The following ZNF804A variants were observed in gnomAD, a reference collection of about 807,000 sequenced individuals.
The protein encoded by ZNF804A is zinc finger protein 804A.
ZNF804A carries 2 observed loss-of-function variants against 16.5 expected under a neutral mutation model. That is an observed-to-expected ratio of 0.12 (90% confidence interval 0.05 to 0.38). The LOEUF is 0.38. Ranked by LOEUF, ZNF804A falls within the 10% of genes least tolerant of loss-of-function variation. The pLI, the probability that ZNF804A is intolerant of heterozygous loss-of-function variation, is 0.99. For synonymous variants in ZNF804A, 534 were observed against 489.6 expected (o/e 1.09, Z -1.20); for missense variants, 1,473 against 1,390.7 (o/e 1.06, Z -0.94).
intron 1 of ZNF804A, among the ~76,000 whole-genome samples, chr2:184,684,467 A>G (rs183748859): frequency 6.6e-6 from 1 of 152,346 alleles, no homozygotes; most frequent in East Asian, 1.9e-4. Flanking sequence ...ATATGTTGCT[A>G]TAAACCTTAC....
At chr2:184,670,383 A>AT (rs890835729) in intron 1 of ZNF804A, among the ~76,000 whole-genome samples, 15 of 151,360 alleles carry the variant, frequency 9.9e-5, no homozygotes, top group African/African-American at 3.2e-4. Context: ...CCTTTATTTT[A>AT]TTTTTTTTCT....
chr2:184,847,448 C>T (rs1695537368), intron 1 of ZNF804A, among the ~76,000 whole-genome samples: 1 of 151,950 alleles, frequency 6.6e-6, no homozygotes, highest in African/African-American at 2.4e-5. Flanking sequence ...ATAATAGAAC[C>T]TGACCTTTCA....
rs181817769 is a variant in ZNF804A, at chr2:184,768,668, C to A, written c.112-97701C>A. ...TCTAGGGACCACATTTTTATAGCCA[C>A]TATTATAGAAAATAGGGTTATTAAG... On this transcript the variant is annotated intron_variant, in intron 1 of 3. Transcript: ENST00000302277. 2.1e-3 allele frequency among the ~76,000 whole-genome samples: 314 copies of A among 151,948 alleles called. 2 individuals are homozygous for A. The highest frequency in any genetic ancestry group is 7.0e-3 in the Admixed American group (107 of 15,226).
At chr2:184,607,196 AC>A (rs1393259100) in intron 1 of ZNF804A, among the ~76,000 whole-genome samples, 2 of 152,136 alleles carry the variant, frequency 1.3e-5, no homozygotes, top group African/African-American at 4.8e-5. Context: ...TATCTGTTCA[AC>A]CCCAACAGCT....
At chr2:184,836,258 T>C (rs1157370681) in intron 1 of ZNF804A, among the ~76,000 whole-genome samples, 4 of 152,146 alleles carry the variant, frequency 2.6e-5, no homozygotes, top group African/African-American at 9.6e-5. Flanking sequence ...TGGCAGGGCC[T>C]GTTCTTTGTT....
chr2:184,808,789 C>A (rs924121155), intron 1 of ZNF804A, among the ~76,000 whole-genome samples: 1 of 151,454 alleles, frequency 6.6e-6, no homozygotes, highest in African/African-American at 2.4e-5. Flanking sequence ...AACAAAACAA[C>A]GACTTTTAAT....
intron 1 of ZNF804A, among the ~76,000 whole-genome samples, chr2:184,732,341 C>G (rs973483367): frequency 2.0e-5 from 3 of 151,642 alleles, no homozygotes; most frequent in Non-Finnish European, 4.4e-5. Context: ...TTCTCTTTTG[C>G]TAAAAATTTG....
chr2:184,602,083 C>T (rs1195434758), intron 1 of ZNF804A, among the ~76,000 whole-genome samples: 2 of 151,780 alleles, frequency 1.3e-5, no homozygotes, highest in Non-Finnish European at 1.5e-5. Flanking sequence ...AGAAGATAGT[C>T]AAAATATATA....
chr2:184,916,833 G>A (rs1450395047), intron 2 of ZNF804A, among the ~76,000 whole-genome samples: 1 of 151,806 alleles, frequency 6.6e-6, no homozygotes, highest in Non-Finnish European at 1.5e-5. Flanking sequence ...GGGAGACAGA[G>A]TAAGACTCCA....
At chr2:184,821,443 C>T (rs1695080773) in intron 1 of ZNF804A, among the ~76,000 whole-genome samples, 1 of 152,186 alleles carries the variant, frequency 6.6e-6, no homozygotes, top group East Asian at 1.9e-4. Flanking sequence ...AAATGTAAAA[C>T]TCCAAACCAT....
chr2:184,653,246 A>G (rs750165840), intron 1 of ZNF804A, among the ~76,000 whole-genome samples: 6 of 152,224 alleles, frequency 3.9e-5, no homozygotes, highest in Non-Finnish European at 5.9e-5. Flanking sequence ...GCTTGTTAAG[A>G]ATTAAAAACT....
intron 1 of ZNF804A, among the ~76,000 whole-genome samples, chr2:184,604,611 T>G (rs192837438): frequency 2.0e-5 from 3 of 152,282 alleles, no homozygotes; most frequent in Admixed American, 2.0e-4. Flanking sequence ...ATACTTGGGT[T>G]GAAATGAAGT....
At chr2:184,933,163 AC>A (rs1356355142) in intron 2 of ZNF804A, among the ~76,000 whole-genome samples, 8 of 152,014 alleles carry the variant, frequency 5.3e-5, no homozygotes, top group Admixed American at 5.2e-4. Flanking sequence ...ACACACACAC[AC>A]AGACACAAAG....
chr2:184,812,543 G>T (rs541924076), intron 1 of ZNF804A, among the ~76,000 whole-genome samples: 1 of 152,136 alleles, frequency 6.6e-6, no homozygotes. Context: ...AAGGAGTAAG[G>T]ATCCTTTTTT....
intron 1 of ZNF804A, among the ~76,000 whole-genome samples, chr2:184,757,687 G>T (rs1185621491): frequency 1.3e-5 from 2 of 151,986 alleles, no homozygotes; most frequent in East Asian, 3.9e-4. Context: ...AAAAACACTG[G>T]CTAGTTCTGA....
In ZNF804A at chr2:184,791,337, G is replaced by A. The variant is rs1425111393; in HGVS notation, c.112-75032G>A. Among the ~76,000 whole-genome samples the A allele has an allele frequency of 1.3e-5, 2 of 152,024 alleles. 1 individual carries two copies. Among genetic ancestry groups the A allele is most frequent in the East Asian group, 3.9e-4 (2 of 5,182 alleles). The stretch of plus-strand genomic sequence containing the variant: ...TCATTTCCGTATTTGAAAATCCTTT[G>A]ATTGTAGGATCAGTGTAGTGGTGAC... On this transcript the variant is annotated intron_variant, in intron 1 of 3. Transcript: ENST00000302277.
intron 2 of ZNF804A, among the ~76,000 whole-genome samples, chr2:184,926,100 T>C (rs1685606912): frequency 6.6e-6 from 1 of 152,074 alleles, no homozygotes; most frequent in Non-Finnish European, 1.5e-5. Flanking sequence ...CAGTGAATAT[T>C]GTATCTTCAG....
intron 1 of ZNF804A, among the ~76,000 whole-genome samples, chr2:184,826,321 G>A (rs368036557): frequency 2.6e-5 from 4 of 151,930 alleles, no homozygotes; most frequent in Admixed American, 1.3e-4. Context: ...AATGAAATAC[G>A]TATATTTAAT....
chr2:184,668,679 C>G (rs1284249700), intron 1 of ZNF804A, among the ~76,000 whole-genome samples: 1 of 151,888 alleles, frequency 6.6e-6, no homozygotes. Flanking sequence ...TACTACTTAA[C>G]TGCAATGATC....
Sources: gnomAD v4.1 joint callset for allele counts (sites outside exome capture counted in the v4.1 genomes callset) on GRCh38, gnomAD v4.1.1 for gene constraint, MANE v1.5 for transcripts, NCBI Gene and HGNC (gene_info 2026-07-23, HGNC 2026-07-21) for gene names.